The following MTHFD2L variants were observed in gnomAD, a reference collection of about 807,000 sequenced individuals.
The protein encoded by MTHFD2L is bifunctional methylenetetrahydrofolate dehydrogenase/cyclohydrolase 2, mitochondrial.
In MTHFD2L, 29 loss-of-function variants were observed where a neutral mutation model predicts 34.9. That is an observed-to-expected ratio of 0.83 (90% CI 0.62 to 1.13). The LOEUF (loss-of-function observed/expected upper bound fraction) is 1.13. MTHFD2L is among the 50% of genes most tolerant of loss of function. The pLI, the probability that MTHFD2L is intolerant of heterozygous loss-of-function variation, is 0.00. For missense variants in MTHFD2L, 481 were observed against 446.5 expected (o/e 1.08, Z -0.70); for synonymous variants, 167 against 155.7 (o/e 1.07, Z -0.54).
chr4:74,288,410 G>A (rs1748466379), intron 7 of MTHFD2L: 1 of 152,204 alleles, frequency 6.6e-6, no homozygotes, highest in Admixed American at 6.5e-5. Flanking sequence ...ATATAGTCAT[G>A]TGTGGAGTAC....
At chr4:74,271,925 T>C (rs1241655630) in intron 6 of MTHFD2L, among the ~76,000 whole-genome samples, 1 of 152,156 alleles carries the variant, frequency 6.6e-6, no homozygotes, top group Non-Finnish European at 1.5e-5. Flanking sequence ...TTATTCTCTT[T>C]GAAGTATAGC....
chr4:74,176,513 T>A (rs566628619), intron 3 of MTHFD2L, among the ~76,000 whole-genome samples: 1 of 152,100 alleles, frequency 6.6e-6, no homozygotes, highest in South Asian at 2.1e-4. Context: ...ATCATGTGGG[T>A]TTATCTCTGG....
At chr4:74,260,905 G>A (rs1744599532) in intron 6 of MTHFD2L, among the ~76,000 whole-genome samples, 1 of 140,446 alleles carries the variant, frequency 7.1e-6, no homozygotes, top group Non-Finnish European at 1.5e-5. Flanking sequence ...ATACCCATTT[G>A]TGTTTTTTTA....
chr4:74,261,838 CTG>C (rs1299448316), intron 6 of MTHFD2L, among the ~76,000 whole-genome samples: 1 of 151,996 alleles, frequency 6.6e-6, no homozygotes, highest in Non-Finnish European at 1.5e-5. Context: ...CTCAAGCTCT[CTG>C]TTCCTCAGTT....
At chr4:74,168,996 A>G (rs1373332841) in intron 1 of MTHFD2L, among the ~76,000 whole-genome samples, 1 of 152,160 alleles carries the variant, frequency 6.6e-6, no homozygotes, top group Non-Finnish European at 1.5e-5. Flanking sequence ...CATTAATTTG[A>G]GGTTGCTTCA....
At chr4:74,234,234 G>T (rs1045505644) in intron 6 of MTHFD2L, among the ~76,000 whole-genome samples, 3 of 151,914 alleles carry the variant, frequency 2.0e-5, no homozygotes, top group African/African-American at 7.2e-5. Flanking sequence ...TCTTTAAAAG[G>T]TTTATGTTAG....
chr4:74,232,352 G>C (rs185027892), intron 6 of MTHFD2L, among the ~76,000 whole-genome samples: 14 of 152,200 alleles, frequency 9.2e-5, no homozygotes, highest in Admixed American at 9.2e-4. Flanking sequence ...ACCTGACTTT[G>C]AGAGGGGAGA....
In MTHFD2L at chr4:74,175,402, A is replaced by G; in HGVS notation, c.450A>G (p.Pro150=). The G allele has an allele frequency of 1.9e-6, 3 of 1,608,736 alleles. No individual in the cohort carries two copies. The highest frequency in any genetic ancestry group is 2.5e-6 in the Non-Finnish European group (3 of 1,178,080). The change falls in exon 3 of 8, where the codon CCA becomes CCG. Residue 150 remains proline, a splice_region_variant and synonymous_variant. Coordinates refer to ENST00000325278, the MANE Select transcript of MTHFD2L (RefSeq NM_001144978.3). The part of the protein sequence containing the change: ...VSGILVQLPL[P]DHVDERTICN... ...GTATATTAGTTCAGTTACCACTACCAGGTACATAATGCTCCTCTTATTTAT... is the reference window on the plus strand; with the variant it reads ...GTATATTAGTTCAGTTACCACTACCGGGTACATAATGCTCCTCTTATTTAT...
chr4:74,286,204 T>C (rs1054957285), intron 7 of MTHFD2L, among the ~76,000 whole-genome samples: 1 of 152,190 alleles, frequency 6.6e-6, no homozygotes, highest in African/African-American at 2.4e-5. Context: ...TCCTCCCTCC[T>C]AACTTATGTC....
chr4:74,265,151 C>T (rs1745131854), intron 6 of MTHFD2L, among the ~76,000 whole-genome samples: 2 of 152,126 alleles, frequency 1.3e-5, no homozygotes, highest in African/African-American at 4.8e-5. Context: ...TATTCTAACC[C>T]ACACATCTAT....
At chr4:74,236,871 C>T (rs1740915143) in intron 6 of MTHFD2L, among the ~76,000 whole-genome samples, 1 of 152,108 alleles carries the variant, frequency 6.6e-6, no homozygotes, top group Admixed American at 6.6e-5. Flanking sequence ...CATTTTTCCC[C>T]ACTATACTTT....
chr4:74,180,494 T>C (rs1193577203), intron 3 of MTHFD2L, among the ~76,000 whole-genome samples: 2 of 152,130 alleles, frequency 1.3e-5, no homozygotes, highest in Non-Finnish European at 2.9e-5. Flanking sequence ...ATTATGGCAA[T>C]GTCTTGAGTA....
chr4:74,268,510 G>A (rs565764250), intron 6 of MTHFD2L, among the ~76,000 whole-genome samples: 1 of 152,172 alleles, frequency 6.6e-6, no homozygotes, highest in South Asian at 2.1e-4. Context: ...TTCTGTGAAT[G>A]AGGATAATGG....
Position 74,302,033 on chromosome 4 carries a change from T to C in MTHFD2L, c.*224T>C. 2.7e-6 allele frequency: 1 copy of C among 367,842 alleles called. No homozygotes were observed. Among genetic ancestry groups the C allele is most frequent in the South Asian group, 8.6e-5 (1 of 11,616 alleles). 22.8% of individuals were successfully genotyped at this position (367,842 alleles called of 1,614,324 possible). ...AAAACAATTCCAATGAAAATTTTAG[T>C]AACAATTGTTTATTTTGAGGGTATT... On this transcript the variant is annotated 3_prime_UTR_variant, in exon 8 of 8. Coordinates refer to ENST00000325278, the MANE Select transcript of MTHFD2L (RefSeq NM_001144978.3).
rs1189238739 is a variant in MTHFD2L at position 74,207,327 on chromosome 4, T to A, written c.712+5957T>A. Among the ~76,000 whole-genome samples, 3 of 152,192 alleles carry A rather than the reference T, an allele frequency of 2.0e-5. No homozygotes were observed. In the East Asian group the frequency reaches 5.8e-4, roughly 29 times the overall value. ...TATGCCGCTCCTTTGACTAAAAGGTTCTGGCATCATTGGAGTAATATTGAT... is the reference window on the plus strand; with the variant it reads ...TATGCCGCTCCTTTGACTAAAAGGTACTGGCATCATTGGAGTAATATTGAT... On this transcript the variant is annotated intron_variant, in intron 5 of 7. Coordinates refer to ENST00000325278, the MANE Select transcript of MTHFD2L (RefSeq NM_001144978.3).
chr4:74,211,085 G>A (rs553581261), intron 5 of MTHFD2L, among the ~76,000 whole-genome samples: 25 of 152,290 alleles, frequency 1.6e-4, no homozygotes, highest in Admixed American at 1.6e-3. Context: ...ATTTTGGGCT[G>A]TGGTGACAGG....
chr4:74,165,108 T>C (rs974411110), intron 1 of MTHFD2L: 29 of 361,248 alleles, frequency 8.0e-5, no homozygotes, highest in East Asian at 1.6e-4. Context: ...ATGAAAATTA[T>C]ATATTTGGAA....
intron 7 of MTHFD2L, among the ~76,000 whole-genome samples, chr4:74,284,597 T>G (rs1747915192): frequency 6.6e-6 from 1 of 152,078 alleles, no homozygotes; most frequent in Non-Finnish European, 1.5e-5. Flanking sequence ...CTTTATCATA[T>G]AAGTAGATGC....
At chr4:74,260,990 G>T (rs1020766159) in intron 6 of MTHFD2L, among the ~76,000 whole-genome samples, 2 of 143,558 alleles carry the variant, frequency 1.4e-5, no homozygotes, top group African/African-American at 5.4e-5. Flanking sequence ...TCTAATAAAG[G>T]GTATCAACTG....
Sources: allele counts gnomAD v4.1 joint callset (sites outside exome capture counted in the v4.1 genomes callset), GRCh38; gene constraint gnomAD v4.1.1; transcripts MANE v1.5; gene names NCBI Gene and HGNC (gene_info 2026-07-23, HGNC 2026-07-21).